The following KLK1 variants were observed in gnomAD, a reference collection of about 807,000 sequenced individuals.
The protein encoded by KLK1 is kallikrein-1.
Under a neutral mutation model 23.3 loss-of-function variants are expected in KLK1, and 22 were observed. The observed-to-expected ratio is 0.95, with a 90% CI of 0.68 to 1.35. KLK1 has a LOEUF of 1.35. KLK1 is among the 40% of genes most tolerant of loss of function. The pLI, the probability that KLK1 is intolerant of heterozygous loss-of-function variation, is 0.00. For missense variants in KLK1, 301 were observed against 338.9 expected, an observed-to-expected ratio of 0.89 and a Z score of 0.88; for synonymous variants, 140 against 135.8, an observed-to-expected ratio of 1.03 and a Z score of -0.21.
At chr19:50,822,835 G>A in intron 1 of KLK1, 4 of 973,590 alleles carry the variant, frequency 4.1e-6, no homozygotes, top group Non-Finnish European at 4.9e-6. Context: ...GGAATGCAAT[G>A]CAGGACCCAC....
In KLK1 at chr19:50,821,762, G is replaced by GCC. The variant is rs753325914; in HGVS notation, c.154_155dup (p.Ile53AlafsTer52). ...GCACCCACTGGCGGTGCACCAGGATGCCCCCACACTGGAAAGTGCTGAAAT... is the reference window on the plus strand; with the variant it reads ...GCACCCACTGGCGGTGCACCAGGATGCCCCCCCACACTGGAAAGTGCTGAAAT... On this transcript the variant is annotated frameshift_variant, in exon 2 of 5. Coordinates refer to ENST00000301420, the MANE Select transcript of KLK1 (RefSeq NM_002257.4). LOFTEE classifies it high-confidence loss of function. This position sits in a 1 kb window ranked among gnomAD's most constrained non-coding sequence, Gnocchi z 5.6. 1.9e-6 allele frequency: 3 copies of GCC among 1,613,950 alleles called. No individual in the cohort carries two copies. The South Asian group carries it at 3.3e-5, about 18-fold the overall frequency.
At chr19:50,822,180 T>C (rs1404693029) in intron 1 of KLK1, 1 of 1,050,512 alleles carries the variant, frequency 9.5e-7, no homozygotes, top group Admixed American at 4.9e-5. Flanking sequence ...TCAGGTCATT[T>C]GGGGTCTGGG....
chr19:50,822,821 T>C (rs1004097113), intron 1 of KLK1: 11 of 977,348 alleles, frequency 1.1e-5, no homozygotes, highest in Non-Finnish European at 1.3e-5. Flanking sequence ...GCCAAGCAGC[T>C]GTGGGAATGC....
chr19:50,822,791 G>A (rs1255258500), intron 1 of KLK1: 1 of 982,082 alleles, frequency 1.0e-6, no homozygotes, highest in Non-Finnish European at 1.2e-6. Context: ...AAGAGGATTG[G>A]AGAAGTGGTG....
At position 50,821,698 on chromosome 19, in the gene KLK1, A is replaced by G; in HGVS notation, c.206+14T>C. 1.9e-6 allele frequency: 3 copies of G among 1,588,294 alleles called. No homozygotes were observed. Among genetic ancestry groups the G allele is most frequent in the Non-Finnish European group, 2.6e-6 (3 of 1,165,490 alleles). ...CATAGATGCCCTCCTCCCAGACCCC[A>G]GGCCCCTACTCACTCGCTGATGCAA... On this transcript the variant is annotated intron_variant, in intron 2 of 4. Transcript: ENST00000301420. This position sits in a 1 kb window ranked among gnomAD's most constrained non-coding sequence, Gnocchi z 5.6.
Position 50,821,971 on chromosome 19 carries a change from C to A in KLK1, c.47-100G>T, listed in dbSNP as rs937236963. On this transcript the variant is annotated intron_variant, in intron 1 of 4. Coordinates refer to ENST00000301420, the MANE Select transcript of KLK1 (RefSeq NM_002257.4). This position sits in a 1 kb window ranked among gnomAD's most constrained non-coding sequence, Gnocchi z 5.6. ...GGGCTGTGGGTCTGAAGGGACATTG[C>A]GGGTAGAGGACCAGGGCTGGAGGTT... The A allele has an allele frequency of 2.0e-6, 3 of 1,479,656 alleles. No homozygotes were observed. The highest frequency in any genetic ancestry group is 2.7e-6 in the Non-Finnish European group (3 of 1,115,360). The allele number at this position is 1,479,656 out of a possible 1,614,324, so 91.7% of individuals were successfully genotyped here. A position where few individuals can be genotyped will look rare whatever the true frequency, so the allele number is the denominator to read the frequency against.
intron 4 of KLK1, 108 bp downstream of exon 4, chr19:50,819,791 C>T (rs1023059440): frequency 8.8e-7 from 1 of 1,137,150 alleles, no homozygotes; most frequent in East Asian, 2.4e-5. Flanking sequence ...GTGGCTACAG[C>T]TAGCTGGGAA....
Position 50,819,908 on chromosome 19 carries a change from G to A in KLK1, c.624C>T (p.Asp208=). The A allele has an allele frequency of 6.2e-7, 1 of 1,614,172 alleles. No individual in the cohort carries two copies. Among genetic ancestry groups the A allele is most frequent in the Non-Finnish European group, 8.5e-7 (1 of 1,180,028 alleles). The change falls in exon 4 of 5, where the codon GAC becomes GAT. Residue 208 remains aspartate (D), a synonymous_variant. Transcript: ENST00000301420. ...LCVGHLEGGK[D]TCVGDSGGPL... is the part of the protein sequence containing the mutation. ...GGCAGGGCTGCCTCACCACACAGGTGTCTTTGCCACCTTCCAGGTGTCCGA... is the reference window on the plus strand; with the variant it reads ...GGCAGGGCTGCCTCACCACACAGGTATCTTTGCCACCTTCCAGGTGTCCGA...
At chr19:50,822,376 A>C in intron 1 of KLK1, 1 of 987,116 alleles carries the variant, frequency 1.0e-6, no homozygotes. Context: ...ATGCAGCTTT[A>C]GGGAACCAGG....
At position 50,820,318 on chromosome 19, in the gene KLK1, C is replaced by T. The variant is rs745956658; in HGVS notation, c.332G>A (p.Arg111His). 2.0e-5 allele frequency: 33 copies of T among 1,613,810 alleles called. No homozygotes were observed. The highest frequency in any genetic ancestry group is 8.8e-5 in the South Asian group (8 of 91,064). The change falls in exon 3 of 5, where the codon CGC (arginine) becomes CAC (histidine). Residue 111 changes from arginine to histidine, a missense_variant. By Grantham distance (29) the Arg-to-His change is conservative. Transcript: ENST00000301420. ...FNMSLLENHT[R>H]QADEDYSHDL... ...GTGGCTGTAGTCCTCGTCTGCTTGG[C>T]GGGTGTGGTTCTCCAGGAGGCTCAT...
At chr19:50,820,062 C>T (rs1446788230) in intron 3 of KLK1, 27 bp from the exon 4 acceptor site, 4 of 1,613,416 alleles carry the variant, frequency 2.5e-6, no homozygotes, top group Non-Finnish European at 2.5e-6. Context: ...AAAAGGGCTG[C>T]AGCCCGACCT....
At chr19:50,819,671 G>T (rs573926623) in intron 4 of KLK1, among the ~76,000 whole-genome samples, 1 of 152,086 alleles carries the variant, frequency 6.6e-6, no homozygotes, top group Admixed American at 6.5e-5. Context: ...CTGACTCGAC[G>T]GTAACAACAC....
rs1284112400 is a variant in KLK1 at position 50,822,751 on chromosome 19, A to AT, written c.47-881dup. 3.0e-6 allele frequency: 3 copies of AT among 985,116 alleles called. No homozygotes were observed. In the African/African-American group the frequency reaches 5.3e-5, roughly 17 times the overall value. The allele number at this position is 985,116 out of a possible 1,614,324, so 61.0% of individuals were successfully genotyped here. ...TTCATGGTCTGAGGGTACTGGAAGG[A>AT]TATGGGGTCCTCTTGGAGGCAATCC... On this transcript the variant is annotated intron_variant, in intron 1 of 4. Transcript: ENST00000301420.
chr19:50,820,218 G>A lies in KLK1; in HGVS notation c.432C>T (p.Thr144=), dbSNP rs768494851. Residue 144 remains threonine, a synonymous_variant, in exon 3 of 5, where the codon ACC becomes ACT. Coordinates refer to ENST00000301420, the MANE Select transcript of KLK1 (RefSeq NM_002257.4). ...TDAVKVVELP[T]EEPEVGSTCL... ...AGGTGCTCCCCACTTCGGGTTCCTC[G>A]GTGGGCAACTCCACGACCTTCACAG... The A allele has an allele frequency of 6.2e-7, 1 of 1,612,256 alleles. No homozygotes were observed. Among genetic ancestry groups the A allele is most frequent in the Admixed American group, 1.7e-5 (1 of 59,958 alleles).
intron 2 of KLK1, 57 bp from the exon 3 acceptor site, chr19:50,820,500 GCAGGGGA>G: frequency 1.1e-6 from 1 of 943,832 alleles, no homozygotes; most frequent in Non-Finnish European, 1.6e-6. Flanking sequence ...AGGGGATGGG[GCAGGGGA>G]GCATGGGGGA....
At chr19:50,820,759 C>T (rs2089823252) in intron 2 of KLK1, 1 of 245,532 alleles carries the variant, frequency 4.1e-6, no homozygotes, top group Non-Finnish European at 7.8e-6. Context: ...GGATAAAAGA[C>T]AGGGACAGCG....
At chr19:50,822,873 T>C (rs1437064616) in intron 1 of KLK1, 3 of 984,722 alleles carry the variant, frequency 3.0e-6, no homozygotes, top group East Asian at 1.1e-4. Flanking sequence ...AATCACATAC[T>C]GACTTGGGGG....
In KLK1 at chr19:50,821,142, C is replaced by T. The variant is rs1330744927; in HGVS notation, c.206+570G>A. On this transcript the variant is annotated intron_variant, in intron 2 of 4. Coordinates refer to ENST00000301420, the MANE Select transcript of KLK1 (RefSeq NM_002257.4). This position sits in a 1 kb window ranked among gnomAD's most constrained non-coding sequence, Gnocchi z 5.6. ...CCTCCTTCCTCCTCCCTCAGTTGCCCCACCCAGCTCCCGCTGAAACCAGCC... is the reference window on the plus strand; with the variant it reads ...CCTCCTTCCTCCTCCCTCAGTTGCCTCACCCAGCTCCCGCTGAAACCAGCC... Among the ~76,000 whole-genome samples, 3 of 152,190 alleles carry T rather than the reference C, an allele frequency of 2.0e-5. No homozygotes were observed. Among genetic ancestry groups the T allele is most frequent in the Admixed American group, 2.0e-4 (3 of 15,286 alleles).
Position 50,820,175 on chromosome 19 carries a change from C to G in KLK1, c.475G>C (p.Gly159Arg), listed in dbSNP as rs781653682. ...ATACAATTCTCTGGTTCGATGCTGCCCCAGCCGGAAGCCAAACAGGTGCTC... is the reference window on the plus strand; with the variant it reads ...ATACAATTCTCTGGTTCGATGCTGCGCCAGCCGGAAGCCAAACAGGTGCTC... ...VGSTCLASGW[G>R]SIEPENFSFP... Residue 159 changes from glycine (G) to arginine (R), a missense_variant, in exon 3 of 5, where the codon GGC (glycine) becomes CGC (arginine). Transcript: ENST00000301420. The G allele has an allele frequency of 2.7e-5, 44 of 1,604,700 alleles. No homozygotes were observed. Among genetic ancestry groups the G allele is most frequent in the Non-Finnish European group, 3.7e-5 (43 of 1,173,444 alleles).
Sources: gnomAD v4.1 joint callset for allele counts (sites outside exome capture counted in the v4.1 genomes callset) on GRCh38, gnomAD v4.1.1 for gene constraint, Gnocchi (gnomAD v3.1) non-coding constraint, MANE v1.5 for transcripts, NCBI Gene and HGNC (gene_info 2026-07-23, HGNC 2026-07-21) for gene names.